Variants in KHDRBS2 observed in about 807,000 individuals in gnomAD.
The protein encoded by KHDRBS2 is KH domain-containing, RNA-binding, signal transduction-associated protein 2.
KHDRBS2 carries 26 observed loss-of-function variants against 44.3 expected under a neutral mutation model. The ratio of observed to expected loss-of-function variants is 0.59; its 90% CI spans 0.43 to 0.81. The LOEUF is 0.81. KHDRBS2 is among the 40% of genes least tolerant of loss of function. The pLI, the probability that KHDRBS2 is intolerant of heterozygous loss-of-function variation, is 0.00. For synonymous variants in KHDRBS2, 194 were observed against 151.1 expected (o/e 1.28, Z -2.08); for missense variants, 476 against 433.1 (o/e 1.10, Z -0.88).
At chr6:61,612,129 T>G in the KHDRBS2 span, among the ~76,000 whole-genome samples, 1 of 111,170 alleles carries the variant, frequency 9.0e-6, no homozygotes, top group African/African-American at 3.5e-5. Context: ...ATCCTGAAAA[T>G]TTCCTATGTA....
intron 2 of KHDRBS2, among the ~76,000 whole-genome samples, chr6:62,062,248 G>C (rs900441026): frequency 2.0e-5 from 3 of 148,432 alleles, no homozygotes; most frequent in African/African-American, 7.5e-5. Context: ...GGATACCCAG[G>C]AATTGAACTC....
rs374955505 is a variant in KHDRBS2 at position 61,814,413 on chromosome 6, C to A, written c.810+80222G>T. On this transcript the variant is annotated intron_variant, in intron 6 of 8. Coordinates refer to ENST00000281156, the MANE Select transcript of KHDRBS2 (RefSeq NM_152688.4). ...CATGAGGTCAGGAGATCGAGACCAT[C>A]CTGGCTAACATGGTGAAATCCTGTC... is the stretch of plus-strand genomic sequence containing the variant. Among the ~76,000 whole-genome samples, 342 of 152,148 alleles carry A rather than the reference C, an allele frequency of 2.2e-3. 2 individuals are homozygous for A. Among genetic ancestry groups the A allele is most frequent in the African/African-American group, 8.0e-3 (333 of 41,530 alleles).
At chr6:62,097,855 C>T (rs574317961) in intron 2 of KHDRBS2, among the ~76,000 whole-genome samples, 14 of 152,006 alleles carry the variant, frequency 9.2e-5, no homozygotes, top group Non-Finnish European at 1.8e-4. Context: ...TTTTCTCCAG[C>T]GATGTGTTTG....
chr6:61,918,565 C>G (rs764876836), intron 4 of KHDRBS2, among the ~76,000 whole-genome samples: 26 of 151,812 alleles, frequency 1.7e-4, no homozygotes, highest in Non-Finnish European at 3.7e-4. Context: ...CATCTGCAAG[C>G]TAGGAAGAGA....
At chr6:61,997,297 C>CA (rs558765986) in intron 3 of KHDRBS2, among the ~76,000 whole-genome samples, 1 of 152,234 alleles carries the variant, frequency 6.6e-6, no homozygotes, top group South Asian at 2.1e-4. Context: ...ATTCTGAGTG[C>CA]AAAGGTACAT....
chr6:61,987,380 T>C (rs554096665), intron 3 of KHDRBS2, among the ~76,000 whole-genome samples: 2 of 152,312 alleles, frequency 1.3e-5, no homozygotes, highest in South Asian at 4.1e-4. Flanking sequence ...AATAAAAAAG[T>C]TGAAAACACA....
intron 6 of KHDRBS2, among the ~76,000 whole-genome samples, chr6:61,856,449 A>G (rs929985529): frequency 1.1e-4 from 16 of 152,034 alleles, no homozygotes; most frequent in African/African-American, 3.6e-4. Flanking sequence ...ATTTCCCCAA[A>G]TCTTCATAAA....
intron 2 of KHDRBS2, among the ~76,000 whole-genome samples, chr6:62,087,265 T>C (rs1485774161): frequency 6.6e-6 from 1 of 152,084 alleles, no homozygotes; most frequent in Non-Finnish European, 1.5e-5. Flanking sequence ...AAAACTGTTT[T>C]TCACGATTCT....
At chr6:61,778,753 G>T (rs1024471557) in intron 6 of KHDRBS2, among the ~76,000 whole-genome samples, 1 of 152,130 alleles carries the variant, frequency 6.6e-6, no homozygotes, top group African/African-American at 2.4e-5. Context: ...AGAGGCAGTA[G>T]ATTATATTTT....
In KHDRBS2 at chr6:61,721,192, T is replaced by G. The variant is rs1392688431; in HGVS notation, c.893+11490A>C. 1.1e-4 allele frequency among the ~76,000 whole-genome samples: 17 copies of G among 152,264 alleles called. 1 individual carries two copies. The highest frequency in any genetic ancestry group is 4.4e-5 in the Non-Finnish European group (3 of 68,020). On this transcript the variant is annotated intron_variant, in intron 7 of 8. Coordinates refer to ENST00000281156, the MANE Select transcript of KHDRBS2 (RefSeq NM_152688.4). ...TTTTGGTTACTGTAGCCTTGTAGTA[T>G]AGTTTGAAGTCAGGTAGTGTGATGC... is the stretch of plus-strand genomic sequence containing the variant.
At chr6:62,071,931 C>T (rs1795215256) in intron 2 of KHDRBS2, among the ~76,000 whole-genome samples, 1 of 152,038 alleles carries the variant, frequency 6.6e-6, no homozygotes, top group Non-Finnish European at 1.5e-5. Flanking sequence ...TTACCTTGGA[C>T]AGTATGGCCA....
chr6:61,557,184 T>A, the KHDRBS2 span, among the ~76,000 whole-genome samples: 1 of 152,144 alleles, frequency 6.6e-6, no homozygotes, highest in African/African-American at 2.4e-5. Context: ...AGGATTTTGT[T>A]TTAGAATAGG....
intron 3 of KHDRBS2, among the ~76,000 whole-genome samples, chr6:62,001,701 C>T (rs1312504690): frequency 1.1e-4 from 16 of 152,012 alleles, no homozygotes; most frequent in Admixed American, 6.6e-4. Flanking sequence ...TATGAACAGA[C>T]GAATTTGGTC....
At chr6:61,610,902 C>G in the KHDRBS2 span, among the ~76,000 whole-genome samples, 1 of 152,062 alleles carries the variant, frequency 6.6e-6, no homozygotes, top group Non-Finnish European at 1.5e-5. Context: ...CTTAATAATA[C>G]CTATTAACAT....
At chr6:62,169,151 A>G (rs1341506634) in intron 2 of KHDRBS2, among the ~76,000 whole-genome samples, 2 of 91,242 alleles carry the variant, frequency 2.2e-5, no homozygotes, top group African/African-American at 4.1e-5. Flanking sequence ...ATATGTGTGT[A>G]TATATACGTA....
intron 1 of KHDRBS2, among the ~76,000 whole-genome samples, chr6:62,225,160 A>T (rs917487922): frequency 1.3e-5 from 2 of 152,218 alleles, no homozygotes. Context: ...ATATAAATAA[A>T]TGATCTAGCT....
chr6:62,281,155 C>G lies in KHDRBS2; in HGVS notation c.91+4703G>C, dbSNP rs1266969093. 2.2e-5 allele frequency among the ~76,000 whole-genome samples: 3 copies of G among 135,780 alleles called. No individual in the cohort carries two copies. The East Asian group carries it at 6.3e-4, about 28-fold the overall frequency. 89.1% of individuals were successfully genotyped at this position (135,780 alleles called of 152,430 possible). A position where few individuals can be genotyped will look rare whatever the true frequency, so the allele number is the denominator to read the frequency against. ...TACTAAACATGATATTTTTAAAACC[C>G]TCAATCTAATCCTTTTTCATAAGGT... On this transcript the variant is annotated intron_variant, in intron 1 of 8. Transcript: ENST00000281156.
At position 61,945,098 on chromosome 6, in the gene KHDRBS2, AAAAAAAAAAAAAAAGTATATATATATAT is replaced by A. The variant is rs1398250476; in HGVS notation, c.483+32940_483+32967del. ...AGAGTGAGACTCTGTCTTAAAAAAA[AAAAAAAAAAAAAAAGTATATATATATAT>A]ATATATATATATATATATATATATA... On this transcript the variant is annotated intron_variant, in intron 4 of 8. Coordinates refer to ENST00000281156, the MANE Select transcript of KHDRBS2 (RefSeq NM_152688.4). Among the ~76,000 whole-genome samples the A allele has an allele frequency of 2.2e-3, 100 of 45,814 alleles. 5 individuals are homozygous for A. The highest frequency in any genetic ancestry group is 7.4e-3 in the African/African-American group (96 of 13,032). The allele number at this position is 45,814 out of a possible 152,430, so 30.1% of individuals were successfully genotyped here.
intron 6 of KHDRBS2, among the ~76,000 whole-genome samples, chr6:61,818,589 G>A (rs1462709742): frequency 6.6e-6 from 1 of 151,906 alleles, no homozygotes; most frequent in African/African-American, 2.4e-5. Flanking sequence ...TCATGTTGTT[G>A]TTCCACGTTC....
Sources: allele counts gnomAD v4.1 joint callset (sites outside exome capture counted in the v4.1 genomes callset), GRCh38; gene constraint gnomAD v4.1.1; transcripts MANE v1.5; gene names NCBI Gene and HGNC (gene_info 2026-07-23, HGNC 2026-07-21).